Variants in RANBP2 observed in about 807,000 individuals in gnomAD.
The protein encoded by RANBP2 is RAN binding protein 2, also known as E3 SUMO-protein ligase RanBP2.
A neutral mutation model predicts 303.6 loss-of-function variants in RANBP2; 57 were observed. That is an observed-to-expected ratio of 0.19 (90% CI 0.15 to 0.23). RANBP2 has a LOEUF of 0.23. Ranked by LOEUF, RANBP2 falls within the 10% of genes least tolerant of loss-of-function variation. RANBP2 has a pLI of 1.00. For missense variants in RANBP2, 3,138 were observed against 3,780.8 expected, an observed-to-expected ratio of 0.83 and a Z score of 4.46; for synonymous variants, 1,167 against 1,301.5, an observed-to-expected ratio of 0.90 and a Z score of 2.23.
the RANBP2 span, among the ~76,000 whole-genome samples, chr2:109,045,398 G>C: frequency 1.3e-5 from 2 of 152,142 alleles, no homozygotes; most frequent in Non-Finnish European, 2.9e-5. Context: ...TTTCCCGTAA[G>C]AGCTGGGCCC....
At chr2:109,285,326 T>C in the RANBP2 span, among the ~76,000 whole-genome samples, 1 of 152,200 alleles carries the variant, frequency 6.6e-6, no homozygotes, top group African/African-American at 2.4e-5. Flanking sequence ...ATACAGGTGT[T>C]CATGGTGGGG....
the RANBP2 span, chr2:109,613,101 T>G: frequency 9.7e-7 from 1 of 1,031,028 alleles, no homozygotes; most frequent in African/African-American, 1.6e-5. Context: ...GGCGGTGAGA[T>G]CACTCCATAC....
chr2:109,600,127 T>A, the RANBP2 span, among the ~76,000 whole-genome samples: 16 of 152,288 alleles, frequency 1.1e-4, no homozygotes, highest in East Asian at 3.9e-4. Context: ...ACAGTAGGGA[T>A]GTCAGGGCTG....
chr2:109,196,403 G>T, the RANBP2 span, among the ~76,000 whole-genome samples: 487 of 152,276 alleles, frequency 3.2e-3, 2 homozygotes, highest in Admixed American at 6.6e-3. Flanking sequence ...ATCCCGTGGC[G>T]GGCAGCCTCC....
At chr2:109,538,696 T>C in the RANBP2 span, among the ~76,000 whole-genome samples, 1 of 152,176 alleles carries the variant, frequency 6.6e-6, no homozygotes, top group Non-Finnish European at 1.5e-5. Context: ...TTTTTTATAT[T>C]TTTAGTAGAG....
Position 108,768,234 on chromosome 2 carries a change from G to T in RANBP2, c.7695G>T (p.Gln2565His). ...ATAGTGAAACTAGTTCAGTAGCCCA[G>T]AGTGGATCTGAAAGCAAAGTGGAAC... ...SNNSETSSVA[Q>H]SGSESKVEPK... Residue 2565 changes from glutamine to histidine, a missense_variant, in exon 20 of 29, where the codon CAG becomes CAT. Gln to His is a conservative substitution (Grantham distance 24). This residue lies in a region of RANBP2 where 497 missense variants were observed against 465.8 expected (regional missense o/e 1.07). Coordinates refer to ENST00000283195, the MANE Select transcript of RANBP2 (RefSeq NM_006267.5). The T allele has an allele frequency of 2.5e-6, 4 of 1,612,008 alleles. No individual in the cohort carries two copies. In the South Asian group the frequency reaches 3.3e-5, roughly 13 times the overall value.
chr2:109,116,436 T>C, the RANBP2 span, among the ~76,000 whole-genome samples: 3 of 152,242 alleles, frequency 2.0e-5, no homozygotes, highest in African/African-American at 7.2e-5. Flanking sequence ...CTCCTGAGGC[T>C]TCTGCATTCT....
At chr2:109,173,067 T>C in the RANBP2 span, among the ~76,000 whole-genome samples, 1 of 152,250 alleles carries the variant, frequency 6.6e-6, no homozygotes, top group African/African-American at 2.4e-5. Flanking sequence ...AAAATTTTAC[T>C]TTCTTCTTCA....
the RANBP2 span, chr2:109,614,138 G>A: frequency 6.7e-6 from 8 of 1,202,844 alleles, no homozygotes; most frequent in East Asian, 3.5e-5. Flanking sequence ...GGGACTCCAG[G>A]AAGACGGCGC....
intron 18 of RANBP2, among the ~76,000 whole-genome samples, chr2:108,759,340 G>A (rs548627219): frequency 4.6e-5 from 7 of 152,258 alleles, no homozygotes; most frequent in Admixed American, 2.0e-4. Context: ...TTATTATACA[G>A]CTAGTTATTG....
At chr2:109,019,016 T>C in the RANBP2 span, among the ~76,000 whole-genome samples, 1 of 152,204 alleles carries the variant, frequency 6.6e-6, no homozygotes, top group Admixed American at 6.5e-5. Flanking sequence ...CGTGTGATTG[T>C]AGTCACAGAG....
the RANBP2 span, among the ~76,000 whole-genome samples, chr2:109,271,304 G>A: frequency 6.6e-6 from 1 of 152,280 alleles, no homozygotes; most frequent in Middle Eastern, 3.4e-3. Context: ...TGTGAAATCT[G>A]TAAACATCTC....
the RANBP2 span, among the ~76,000 whole-genome samples, chr2:108,858,502 T>A: frequency 6.6e-6 from 1 of 152,196 alleles, no homozygotes; most frequent in Non-Finnish European, 1.5e-5. Context: ...TTTGATGATG[T>A]CTGACTGAAG....
the RANBP2 span, among the ~76,000 whole-genome samples, chr2:109,258,056 A>G: frequency 1.5e-4 from 23 of 152,198 alleles, 1 homozygote; most frequent in Non-Finnish European, 3.1e-4. Context: ...TGACCCTCAC[A>G]GCCCTGCCAT....
At chr2:109,356,818 G>T in the RANBP2 span, among the ~76,000 whole-genome samples, 1 of 152,074 alleles carries the variant, frequency 6.6e-6, no homozygotes, top group Non-Finnish European at 1.5e-5. Flanking sequence ...AAATAAGCCT[G>T]GTTCTTCAGC....
chr2:108,850,855 T>C, the RANBP2 span, among the ~76,000 whole-genome samples: 1 of 152,146 alleles, frequency 6.6e-6, no homozygotes, highest in Non-Finnish European at 1.5e-5. Flanking sequence ...AGAAGACTTC[T>C]GTGACAAAAT....
At chr2:108,741,702 C>T (rs1359840720) in intron 7 of RANBP2, among the ~76,000 whole-genome samples, 4 of 146,650 alleles carry the variant, frequency 2.7e-5, no homozygotes, top group African/African-American at 7.6e-5. Flanking sequence ...GTATAAGAGA[C>T]GGGGTTTCAC....
the RANBP2 span, among the ~76,000 whole-genome samples, chr2:109,088,494 G>A: frequency 6.6e-6 from 1 of 151,528 alleles, no homozygotes. Context: ...AGGGAGCCAG[G>A]AAACAATGCT....
At chr2:109,346,352 C>T in the RANBP2 span, among the ~76,000 whole-genome samples, 2 of 152,126 alleles carry the variant, frequency 1.3e-5, no homozygotes, top group African/African-American at 4.8e-5. Context: ...GCTATTAAGT[C>T]CTCTACAAAG....
Sources: gnomAD v4.1 joint callset for allele counts (sites outside exome capture counted in the v4.1 genomes callset) on GRCh38, gnomAD v4.1.1 for gene constraint, gnomAD v4.1.1 regional missense constraint, MANE v1.5 for transcripts, NCBI Gene and HGNC (gene_info 2026-07-23, HGNC 2026-07-21) for gene names.